Variants in KCNIP4 observed in about 807,000 individuals in gnomAD.
KCNIP4 encodes the protein potassium voltage-gated channel interacting protein 4, also known as Kv channel-interacting protein 4.
KCNIP4 carries 12 observed loss-of-function variants against 34.0 expected under a neutral mutation model. The ratio of observed to expected loss-of-function variants is 0.35; its 90% CI spans 0.23 to 0.57. The LOEUF is 0.57. Among genes scored for constraint, KCNIP4 ranks in the 20% least tolerant of loss-of-function variants. The pLI is 0.83. For missense variants in KCNIP4, 238 were observed against 311.7 expected, an observed-to-expected ratio of 0.76 and a Z score of 1.78; for synonymous variants, 124 against 102.2, an observed-to-expected ratio of 1.21 and a Z score of -1.29.
intron 1 of KCNIP4, among the ~76,000 whole-genome samples, chr4:20,899,810 C>T (rs1433166856): frequency 6.6e-6 from 1 of 152,106 alleles, no homozygotes; most frequent in African/African-American, 2.4e-5. Flanking sequence ...ATGGAAAAAT[C>T]CACTAAGACC....
At chr4:21,871,672 C>T (rs1254417275) in intron 1 of KCNIP4, among the ~76,000 whole-genome samples, 2 of 151,964 alleles carry the variant, frequency 1.3e-5, no homozygotes, top group African/African-American at 4.8e-5. Context: ...ATATCTGATC[C>T]AATTTCTCAT....
intron 1 of KCNIP4, chr4:21,464,782 A>G (rs1729770016): frequency 6.6e-6 from 1 of 152,166 alleles, no homozygotes; most frequent in Non-Finnish European, 1.5e-5. Flanking sequence ...CATTTACACA[A>G]TGTTCCATAC....
At chr4:21,469,583 A>T (rs577437558) in intron 1 of KCNIP4, among the ~76,000 whole-genome samples, 1 of 152,218 alleles carries the variant, frequency 6.6e-6, no homozygotes, top group Admixed American at 6.5e-5. Context: ...TGGGAAACAA[A>T]AATGCTTTTC....
intron 1 of KCNIP4, among the ~76,000 whole-genome samples, chr4:21,459,319 G>A (rs375598036): frequency 6.6e-6 from 1 of 152,036 alleles, no homozygotes; most frequent in South Asian, 2.1e-4. Flanking sequence ...CTGGAAACAC[G>A]TTCTGAATTT....
In KCNIP4 at chr4:21,112,029, C is replaced by CCA. The variant is rs1553940018; in HGVS notation, c.62-229321_62-229320insTG. ...CAACAAATCTATCCTTTCTCTGTAT[C>CCA]TATCTATCTATCTATCTATCTATCT... On this transcript the variant is annotated intron_variant, in intron 1 of 8. Coordinates refer to ENST00000382152, the MANE Select transcript of KCNIP4 (RefSeq NM_025221.6). 7.9e-3 allele frequency among the ~76,000 whole-genome samples: 661 copies of CCA among 83,664 alleles called. 4 individuals are homozygous for CCA. The highest frequency in any genetic ancestry group is 0.015 in the Non-Finnish European group (479 of 32,398). 54.9% of individuals were successfully genotyped at this position (83,664 alleles called of 152,430 possible).
At chr4:21,211,991 G>A (rs1757252857) in intron 1 of KCNIP4, among the ~76,000 whole-genome samples, 1 of 152,146 alleles carries the variant, frequency 6.6e-6, no homozygotes. Context: ...ACATGAGGGG[G>A]ACTTGCCCAT....
At chr4:20,838,955 T>C (rs921617819) in intron 3 of KCNIP4, among the ~76,000 whole-genome samples, 2 of 152,330 alleles carry the variant, frequency 1.3e-5, no homozygotes, top group African/African-American at 4.8e-5. Flanking sequence ...CTTTAAGACA[T>C]CAAAAATTAT....
At chr4:21,187,618 G>GCA (rs1001557536) in intron 1 of KCNIP4, among the ~76,000 whole-genome samples, 1 of 152,176 alleles carries the variant, frequency 6.6e-6, no homozygotes, top group Non-Finnish European at 1.5e-5. Flanking sequence ...CTTGTCAGGA[G>GCA]CACATTGCCT....
intron 1 of KCNIP4, among the ~76,000 whole-genome samples, chr4:21,799,448 T>A (rs961017603): frequency 6.6e-6 from 1 of 152,170 alleles, no homozygotes; most frequent in African/African-American, 2.4e-5. Flanking sequence ...GCTTTCGTAA[T>A]CTTTGACATT....
At chr4:21,918,449 CTG>C (rs1391206470) in intron 1 of KCNIP4, among the ~76,000 whole-genome samples, 1 of 152,072 alleles carries the variant, frequency 6.6e-6, no homozygotes, top group Non-Finnish European at 1.5e-5. Context: ...AGACACGAAA[CTG>C]TGGATTTGCT....
At chr4:21,079,871 A>C (rs1393712286) in intron 1 of KCNIP4, among the ~76,000 whole-genome samples, 1 of 151,844 alleles carries the variant, frequency 6.6e-6, no homozygotes, top group Admixed American at 6.6e-5. Context: ...GGAAGCACCC[A>C]CAAGCCAAGT....
At chr4:21,611,199 T>C (rs1156806886) in intron 1 of KCNIP4, among the ~76,000 whole-genome samples, 1 of 152,220 alleles carries the variant, frequency 6.6e-6, no homozygotes, top group Non-Finnish European at 1.5e-5. Context: ...GTGTCACATT[T>C]TCTTTATCCA....
At chr4:21,823,809 T>C (rs1364770302) in intron 1 of KCNIP4, among the ~76,000 whole-genome samples, 2 of 152,198 alleles carry the variant, frequency 1.3e-5, no homozygotes, top group East Asian at 1.9e-4. Context: ...TGAATCCCTC[T>C]TGGTAAATCA....
chr4:21,192,664 T>C (rs1755735376), intron 1 of KCNIP4, among the ~76,000 whole-genome samples: 1 of 152,116 alleles, frequency 6.6e-6, no homozygotes, highest in Non-Finnish European at 1.5e-5. Flanking sequence ...ACTTCCAGTA[T>C]TACAGCATCT....
intron 1 of KCNIP4, among the ~76,000 whole-genome samples, chr4:21,244,277 A>C (rs961949686): frequency 4.6e-5 from 7 of 152,194 alleles, no homozygotes; most frequent in Non-Finnish European, 1.0e-4. Flanking sequence ...TGGAAGATTA[A>C]ACAATGCTGG....
intron 1 of KCNIP4, among the ~76,000 whole-genome samples, chr4:21,541,101 A>T (rs1386764429): frequency 6.6e-6 from 1 of 150,742 alleles, no homozygotes; most frequent in African/African-American, 2.4e-5. Flanking sequence ...AATCCAGGAG[A>T]CAGAGGTTGC....
At chr4:20,836,554 C>G (rs1719057324) in intron 3 of KCNIP4, among the ~76,000 whole-genome samples, 1 of 152,116 alleles carries the variant, frequency 6.6e-6, no homozygotes, top group Non-Finnish European at 1.5e-5. Context: ...GGTGAGCAGG[C>G]TGGAAACTCA....
intron 4 of KCNIP4, among the ~76,000 whole-genome samples, chr4:20,754,851 CTT>C (rs1015253938): frequency 1.9e-4 from 29 of 152,084 alleles, no homozygotes; most frequent in Admixed American, 1.8e-3. Context: ...TATGTAATAA[CTT>C]GATTTGAAAT....
chr4:21,416,154 C>T (rs1000174202), intron 1 of KCNIP4, among the ~76,000 whole-genome samples: 2 of 152,178 alleles, frequency 1.3e-5, no homozygotes, highest in Non-Finnish European at 2.9e-5. Flanking sequence ...TCAAGTGGCT[C>T]TATTTCTTTC....
Sources: gnomAD v4.1 joint callset for allele counts (sites outside exome capture counted in the v4.1 genomes callset) on GRCh38, gnomAD v4.1.1 for gene constraint, MANE v1.5 for transcripts, NCBI Gene and HGNC (gene_info 2026-07-23, HGNC 2026-07-21) for gene names.